The following SLIT3 variants were observed in gnomAD, a reference collection of about 807,000 sequenced individuals.
SLIT3 encodes the protein slit homolog 3 protein.
Under a neutral mutation model 184.0 loss-of-function variants are expected in SLIT3, and 68 were observed. The observed-to-expected ratio is 0.37, with a 90% confidence interval of 0.30 to 0.45. The LOEUF (loss-of-function observed/expected upper bound fraction) is 0.45. SLIT3 is among the 20% of genes least tolerant of loss of function. The probability of loss-of-function intolerance (pLI) is 1.00; values close to 1 mark genes in which losing one functional copy is unlikely to be tolerated. For missense variants in SLIT3, 1,707 were observed against 2,026.0 expected (o/e 0.84, Z 3.02); for synonymous variants, 831 against 828.6 (o/e 1.00, Z -0.05).
chr5:168,726,897 G>A (rs368681326), intron 20 of SLIT3, among the ~76,000 whole-genome samples: 8 of 152,002 alleles, frequency 5.3e-5, no homozygotes, highest in African/African-American at 1.9e-4. Flanking sequence ...TGTAATCCCA[G>A]CTACTCAGGC....
chr5:168,935,154 A>C (rs1248318543), intron 4 of SLIT3, among the ~76,000 whole-genome samples: 2 of 151,462 alleles, frequency 1.3e-5, no homozygotes, highest in Non-Finnish European at 2.9e-5. Context: ...AAAAAACAAA[A>C]AAAAAAACCA....
At chr5:168,736,209 G>A (rs1477503754) in intron 20 of SLIT3, among the ~76,000 whole-genome samples, 1 of 152,156 alleles carries the variant, frequency 6.6e-6, no homozygotes, top group African/African-American at 2.4e-5. Flanking sequence ...ATGAATGGAA[G>A]GGAGCCTTCT....
intron 3 of SLIT3, among the ~76,000 whole-genome samples, chr5:169,224,380 TATTTA>T (rs1227940729): frequency 2.9e-5 from 3 of 102,642 alleles, no homozygotes; most frequent in African/African-American, 7.0e-5. Flanking sequence ...TTTATTTATT[TATTTA>T]TTTTTTTTGA....
At chr5:168,761,153 C>T (rs7725943) in intron 15 of SLIT3, among the ~76,000 whole-genome samples, 66,319 of 151,954 alleles carry the variant, frequency 0.44, 14,717 homozygotes, top group East Asian at 0.62. Context: ...AAGCCTCCTT[C>T]GGCTGGGGTT....
chr5:168,853,552 CACA>C (rs1758752324), intron 5 of SLIT3, among the ~76,000 whole-genome samples: 1 of 152,144 alleles, frequency 6.6e-6, no homozygotes, highest in Admixed American at 6.5e-5. Flanking sequence ...AATGATTGCA[CACA>C]ACATTTATTT....
intron 19 of SLIT3, 48 bp from the exon 20 acceptor site, chr5:168,748,482 C>A: frequency 6.7e-7 from 1 of 1,488,666 alleles, no homozygotes; most frequent in Non-Finnish European, 8.8e-7. Context: ...ATAAGCCCCA[C>A]TAGGGGGAGC....
At chr5:168,858,239 G>C (rs1011609426) in intron 5 of SLIT3, among the ~76,000 whole-genome samples, 1 of 152,184 alleles carries the variant, frequency 6.6e-6, no homozygotes, top group African/African-American at 2.4e-5. Flanking sequence ...CAAATGGAGC[G>C]ACTCACTGAG....
chr5:169,266,697 T>G (rs2113623776), intron 1 of SLIT3, among the ~76,000 whole-genome samples: 1 of 152,328 alleles, frequency 6.6e-6, no homozygotes, highest in East Asian at 1.9e-4. Context: ...CTGGGCTTAT[T>G]TGTTGCTGCA....
intron 4 of SLIT3, among the ~76,000 whole-genome samples, chr5:169,166,306 A>G (rs1356604598): frequency 6.6e-6 from 1 of 152,132 alleles, no homozygotes; most frequent in East Asian, 1.9e-4. Context: ...TGCCTGGTGA[A>G]TTATTCTCTC....
At chr5:169,130,238 A>C (rs1303252970) in intron 4 of SLIT3, among the ~76,000 whole-genome samples, 2 of 152,248 alleles carry the variant, frequency 1.3e-5, no homozygotes, top group African/African-American at 4.8e-5. Flanking sequence ...TCTCTGTACT[A>C]TCTCTAAAAC....
intron 4 of SLIT3, among the ~76,000 whole-genome samples, chr5:169,105,215 T>C (rs2113241012): frequency 6.6e-6 from 1 of 152,316 alleles, no homozygotes; most frequent in East Asian, 1.9e-4. Context: ...TACTGTTTAA[T>C]GTGGGTGGGG....
intron 4 of SLIT3, chr5:168,993,211 C>T (rs777915251): frequency 5.3e-5 from 8 of 152,258 alleles, no homozygotes; most frequent in Admixed American, 2.0e-4. Flanking sequence ...CTGAGGAATC[C>T]CGAGATGTCA....
At chr5:168,755,112 C>T (rs755499376) in intron 16 of SLIT3, among the ~76,000 whole-genome samples, 11 of 152,204 alleles carry the variant, frequency 7.2e-5, no homozygotes, top group Non-Finnish European at 1.3e-4. Flanking sequence ...ACCCTCAAAA[C>T]GATGGCTGTC....
chr5:168,708,967 T>C (rs1033822745), intron 25 of SLIT3, among the ~76,000 whole-genome samples: 1 of 152,138 alleles, frequency 6.6e-6, no homozygotes, highest in Non-Finnish European at 1.5e-5. Flanking sequence ...AGGAAGACTA[T>C]CTGTCTTGGT....
intron 4 of SLIT3, 78 bp from the exon 5 acceptor site, chr5:168,883,414 C>CA: frequency 9.0e-7 from 1 of 1,110,242 alleles, no homozygotes; most frequent in Non-Finnish European, 1.4e-6. Context: ...TGATAACAAT[C>CA]CCCCCCACCC....
At chr5:168,949,792 A>G (rs1467337938) in intron 4 of SLIT3, among the ~76,000 whole-genome samples, 1 of 151,978 alleles carries the variant, frequency 6.6e-6, no homozygotes, top group Non-Finnish European at 1.5e-5. Flanking sequence ...GGCTCTCACT[A>G]TGTTACTCAG....
At position 169,137,333 on chromosome 5, in the gene SLIT3, C is replaced by CAGAGAGAGAGAGAG. The variant is rs1324720274; in HGVS notation, c.413+56145_413+56146insCTCTCTCTCTCTCT. ...ACACACACACACACACACACACACA[C>CAGAGAGAGAGAGAG]ACAGAGAGAGAGAGAGAGAGAGAAA... On this transcript the variant is annotated intron_variant, in intron 4 of 35. Transcript: ENST00000519560. Among the ~76,000 whole-genome samples the CAGAGAGAGAGAGAG allele has an allele frequency of 2.6e-4, 34 of 129,454 alleles. 1 individual carries two copies. In the South Asian group the frequency reaches 5.6e-3, roughly 21 times the overall value. The allele number at this position is 129,454 out of a possible 152,430, so 84.9% of individuals were successfully genotyped here.
intron 4 of SLIT3, among the ~76,000 whole-genome samples, chr5:168,957,568 T>C (rs1762867988): frequency 6.6e-6 from 1 of 152,214 alleles, no homozygotes; most frequent in Admixed American, 6.5e-5. Flanking sequence ...ACGCTGATGC[T>C]GCTGGTTCCC....
chr5:168,845,559 G>A (rs1308207057), intron 5 of SLIT3, among the ~76,000 whole-genome samples: 1 of 151,980 alleles, frequency 6.6e-6, no homozygotes, highest in Non-Finnish European at 1.5e-5. Flanking sequence ...AAGATGCCTT[G>A]ACTAATATAC....
Sources: gnomAD v4.1 joint callset for allele counts (sites outside exome capture counted in the v4.1 genomes callset) on GRCh38, gnomAD v4.1.1 for gene constraint, MANE v1.5 for transcripts, NCBI Gene and HGNC (gene_info 2026-07-23, HGNC 2026-07-21) for gene names.